Variants in ARRB1 observed in about 807,000 individuals in gnomAD.
ARRB1 encodes arrestin beta 1, also known as beta-arrestin-1.
A neutral mutation model predicts 56.8 loss-of-function variants in ARRB1; 21 were observed. The ratio of observed to expected loss-of-function variants is 0.37; its 90% confidence interval spans 0.26 to 0.53. The LOEUF (loss-of-function observed/expected upper bound fraction) is 0.53. ARRB1 is among the 20% of genes least tolerant of loss of function. ARRB1 has a pLI of 0.88. For missense variants in ARRB1, 424 were observed against 553.7 expected, an observed-to-expected ratio of 0.77 and a Z score of 2.35; for synonymous variants, 210 against 218.6, an observed-to-expected ratio of 0.96 and a Z score of 0.35.
At chr11:75,275,950 AG>A (rs1389333144) in intron 10 of ARRB1, among the ~76,000 whole-genome samples, 1 of 152,216 alleles carries the variant, frequency 6.6e-6, no homozygotes, top group Non-Finnish European at 1.5e-5. Flanking sequence ...CTTTACCATC[AG>A]GAATCTATGC....
chr11:75,271,762 G>C (rs770729011), intron 12 of ARRB1, 38 bp from the exon 13 acceptor site: 1 of 1,551,824 alleles, frequency 6.4e-7, no homozygotes. Flanking sequence ...GTGGTCAGGA[G>C]AGAGTTCAGA....
chr11:75,290,419 A>G (rs1461264199), intron 1 of ARRB1, among the ~76,000 whole-genome samples: 1 of 152,032 alleles, frequency 6.6e-6, no homozygotes, highest in Non-Finnish European at 1.5e-5. Flanking sequence ...ATCTCCAGCC[A>G]CATCTACCCC....
rs944293250 is a variant in ARRB1, at chr11:75,263,854, C to T, written c.*2309G>A. On this transcript the variant is annotated 3_prime_UTR_variant, in exon 16 of 16. Coordinates refer to ENST00000420843, the MANE Select transcript of ARRB1 (RefSeq NM_004041.5). ...GCGTGATGTTGAGGTGCAGGAGGCTCGGGAAACCAGCCTGACAAACGTTTT... is the reference window on the plus strand; with the variant it reads ...GCGTGATGTTGAGGTGCAGGAGGCTTGGGAAACCAGCCTGACAAACGTTTT... 5.9e-5 allele frequency among the ~76,000 whole-genome samples: 9 copies of T among 152,230 alleles called. No individual in the cohort carries two copies. The South Asian group carries it at 6.2e-4, about 11-fold the overall frequency.
chr11:75,284,636 G>A (rs1236026007), intron 3 of ARRB1, among the ~76,000 whole-genome samples: 1 of 152,184 alleles, frequency 6.6e-6, no homozygotes, highest in Non-Finnish European at 1.5e-5. Context: ...GGGCGTGGTG[G>A]GTCATGCACA....
rs369622286 is a variant in ARRB1, at chr11:75,268,950, G to A, written c.1032C>T (p.Ala344=). 2.1e-5 allele frequency: 34 copies of A among 1,609,486 alleles called. No individual in the cohort carries two copies. The Admixed American group carries it at 2.6e-4, about 12-fold the overall frequency. Residue 344 remains alanine, a synonymous_variant, in exon 14 of 16, where the codon GCC becomes GCT. Coordinates refer to ENST00000420843, the MANE Select transcript of ARRB1 (RefSeq NM_004041.5). ...GCATTAGGGTGAAGGGCAGTTCCAC[G>A]GCCACGTCGCTGAAACAGAGACCCA... ...LLGDLASSDV[A]VELPFTLMHP...
Position 75,283,324 on chromosome 11 carries a change from T to C in ARRB1, c.317A>G (p.Lys106Arg), listed in dbSNP as rs763032109. 6.2e-7 allele frequency: 1 copy of C among 1,613,554 alleles called. No individual in the cohort carries two copies. The highest frequency in any genetic ancestry group is 1.1e-5 in the South Asian group (1 of 90,984). The change falls in exon 5 of 16, where the codon AAG becomes AGG. Residue 106 changes from lysine (K) to arginine (R), a missense_variant. Transcript: ENST00000420843. ...PLTRLQERLI[K>R]KLGEHAYPFT... is the part of the protein sequence containing the mutation. ...AGGGTAAGCGTGCTCGCCCAGCTTC[T>C]TGATGAGGCGTTCCTGCAGCCGCGT...
chr11:75,267,598 A>ACCCCCCCCCCCCCC, intron 15 of ARRB1, 54 bp downstream of exon 15: 2 of 1,419,700 alleles, frequency 1.4e-6, no homozygotes, highest in Non-Finnish European at 2.0e-6. Context: ...GACCCCCTCC[A>ACCCCCCCCCCCCCC]CCCCGCCCAC....
intron 8 of ARRB1, 36 bp downstream of exon 8, chr11:75,278,573 G>A (rs777581553): frequency 6.9e-5 from 111 of 1,612,930 alleles, no homozygotes; most frequent in Non-Finnish European, 8.6e-5. Context: ...CCCTGGTGGA[G>A]CAGCCCCCAC....
intron 1 of ARRB1, among the ~76,000 whole-genome samples, chr11:75,306,201 C>T (rs1432408679): frequency 6.6e-6 from 1 of 152,188 alleles, no homozygotes; most frequent in Non-Finnish European, 1.5e-5. Context: ...TGGCCCCTTC[C>T]CAGAGCCCAT....
intron 1 of ARRB1, among the ~76,000 whole-genome samples, chr11:75,350,129 TAGAAAATGGAAATA>T (rs749313271): frequency 6.6e-6 from 1 of 152,210 alleles, no homozygotes; most frequent in Non-Finnish European, 1.5e-5. Flanking sequence ...TTTCCTCCTC[TAGAAAATGGAAATA>T]ATCTCTGCAA....
chr11:75,325,228 C>T (rs1295256406), intron 1 of ARRB1, among the ~76,000 whole-genome samples: 3 of 152,108 alleles, frequency 2.0e-5, no homozygotes, highest in Admixed American at 6.5e-5. Flanking sequence ...GCCTGAATGG[C>T]TACCAGAGGG....
intron 1 of ARRB1, among the ~76,000 whole-genome samples, chr11:75,342,839 C>G (rs1319745006): frequency 6.6e-6 from 1 of 152,238 alleles, no homozygotes; most frequent in Non-Finnish European, 1.5e-5. Context: ...CGCCAATCCC[C>G]TTCCCAGAGA....
chr11:75,271,602 T>A (rs985723282), intron 13 of ARRB1, 99 bp downstream of exon 13: 9 of 1,316,262 alleles, frequency 6.8e-6, no homozygotes, highest in Non-Finnish European at 8.3e-6. Context: ...ACCACTAAGA[T>A]TCCTTCCAAC....
At chr11:75,348,041 C>T (rs978511685) in intron 1 of ARRB1, among the ~76,000 whole-genome samples, 1 of 152,228 alleles carries the variant, frequency 6.6e-6, no homozygotes, top group Non-Finnish European at 1.5e-5. Context: ...AAAACATCTG[C>T]TTCCAGCCCT....
chr11:75,336,937 T>G (rs901784107), intron 1 of ARRB1, among the ~76,000 whole-genome samples: 3 of 152,200 alleles, frequency 2.0e-5, no homozygotes, highest in African/African-American at 7.2e-5. Flanking sequence ...TTGAACTTGA[T>G]CCAATGAAAC....
chr11:75,351,352 G>A, intron 1 of ARRB1, among the ~76,000 whole-genome samples: 1 of 152,236 alleles, frequency 6.6e-6, no homozygotes, highest in Non-Finnish European at 1.5e-5. Context: ...TCAGCGAGCT[G>A]TGTGTCCGGG....
Position 75,335,413 on chromosome 11 carries a change from C to T in ARRB1, c.20+16175G>A, listed in dbSNP as rs73492820. ...CAGCCTGGGCAATGTAGCAAAACCA[C>T]ATCTGTACAAAAAATTTAAAAATTA... On this transcript the variant is annotated intron_variant, in intron 1 of 15. Transcript: ENST00000420843. 3.3e-3 allele frequency among the ~76,000 whole-genome samples: 506 copies of T among 152,216 alleles called. 3 individuals are homozygous for T. The highest frequency in any genetic ancestry group is 0.012 in the African/African-American group (487 of 41,526).
chr11:75,301,296 G>C (rs935077053), intron 1 of ARRB1, among the ~76,000 whole-genome samples: 3 of 152,240 alleles, frequency 2.0e-5, no homozygotes, highest in African/African-American at 7.2e-5. Flanking sequence ...CTCTGGTGTG[G>C]CTGGAGTGTG....
At chr11:75,322,317 C>A (rs1947359193) in intron 1 of ARRB1, among the ~76,000 whole-genome samples, 1 of 152,178 alleles carries the variant, frequency 6.6e-6, no homozygotes, top group South Asian at 2.1e-4. Context: ...ACCAGTCTGG[C>A]CAACATGGCA....
Sources: allele counts gnomAD v4.1 joint callset (sites outside exome capture counted in the v4.1 genomes callset), GRCh38; gene constraint gnomAD v4.1.1; transcripts MANE v1.5; gene names NCBI Gene and HGNC (gene_info 2026-07-23, HGNC 2026-07-21).